TAFA2: variants seen among roughly 807,000 people sequenced by gnomAD.
TAFA2 encodes the protein chemokine-like protein TAFA-2.
TAFA2 carries 7 observed loss-of-function variants against 18.8 expected under a neutral mutation model. The observed-to-expected ratio is 0.37, with a 90% confidence interval of 0.21 to 0.70. TAFA2 has a LOEUF of 0.70. TAFA2 is among the 30% of genes least tolerant of loss of function. TAFA2 has a pLI of 0.53. For missense variants in TAFA2, 122 were observed against 158.1 expected (o/e 0.77, Z 1.23); for synonymous variants, 60 against 54.2 (o/e 1.11, Z -0.47).
chr12:62,225,947 G>C (rs1407879847), intron 1 of TAFA2, among the ~76,000 whole-genome samples: 1 of 152,164 alleles, frequency 6.6e-6, no homozygotes, highest in Admixed American at 6.5e-5. Context: ...TGTGCATTTT[G>C]AGGCAGTACT....
intron 1 of TAFA2, among the ~76,000 whole-genome samples, chr12:62,011,042 G>T (rs1424725887): frequency 1.4e-5 from 2 of 144,346 alleles, no homozygotes; most frequent in Non-Finnish European, 3.0e-5. Context: ...CCATCTGGGA[G>T]GTGGGGGGCG....
At chr12:61,957,785 T>G (rs901574576) in intron 1 of TAFA2, among the ~76,000 whole-genome samples, 1 of 152,122 alleles carries the variant, frequency 6.6e-6, no homozygotes, top group Non-Finnish European at 1.5e-5. Context: ...AGAGAAAGTC[T>G]GCTGGAAAGT....
chr12:61,934,171 C>G (rs1877670199), intron 1 of TAFA2, among the ~76,000 whole-genome samples: 1 of 152,144 alleles, frequency 6.6e-6, no homozygotes, highest in African/African-American at 2.4e-5. Flanking sequence ...AACTCACTAT[C>G]CTGAATCCTG....
At chr12:62,052,455 G>C (rs538678649) in intron 1 of TAFA2, among the ~76,000 whole-genome samples, 2 of 152,252 alleles carry the variant, frequency 1.3e-5, no homozygotes, top group African/African-American at 2.4e-5. Flanking sequence ...GCCTCCCAAA[G>C]TGCTGGAAAT....
chr12:62,174,759 T>A (rs2062500837), intron 1 of TAFA2, among the ~76,000 whole-genome samples: 2 of 152,224 alleles, frequency 1.3e-5, no homozygotes, highest in East Asian at 3.8e-4. Flanking sequence ...TACACGGCTC[T>A]AAATATTATC....
At chr12:62,215,690 C>T (rs1419887934) in intron 1 of TAFA2, among the ~76,000 whole-genome samples, 10 of 138,986 alleles carry the variant, frequency 7.2e-5, no homozygotes, top group Non-Finnish European at 1.5e-4. Context: ...GAACTTGTTT[C>T]TCTTGCTTAA....
intron 1 of TAFA2, among the ~76,000 whole-genome samples, chr12:62,042,393 A>T (rs1470723287): frequency 6.8e-6 from 1 of 147,890 alleles, no homozygotes; most frequent in Non-Finnish European, 1.5e-5. Context: ...TAAATTCTGC[A>T]TTGAAGTCTG....
chr12:62,106,513 T>A (rs748755191), intron 1 of TAFA2, among the ~76,000 whole-genome samples: 4 of 152,100 alleles, frequency 2.6e-5, no homozygotes, highest in Non-Finnish European at 4.4e-5. Flanking sequence ...AGGGAAGGGA[T>A]GCTTCGAATT....
chr12:61,999,356 A>C (rs1259823906), intron 1 of TAFA2, among the ~76,000 whole-genome samples: 1 of 152,226 alleles, frequency 6.6e-6, no homozygotes, highest in Non-Finnish European at 1.5e-5. Context: ...AATCCAACTA[A>C]GAAGATTTGT....
At chr12:62,035,721 CA>C (rs1881582663) in intron 1 of TAFA2, among the ~76,000 whole-genome samples, 1 of 128,302 alleles carries the variant, frequency 7.8e-6, no homozygotes, top group East Asian at 2.3e-4. Flanking sequence ...CGCTAGGGGT[CA>C]ATGATTCTTT....
chr12:61,922,399 C>T (rs183516820), intron 1 of TAFA2, among the ~76,000 whole-genome samples: 136 of 152,098 alleles, frequency 8.9e-4, no homozygotes, highest in African/African-American at 2.7e-3. Context: ...AACTGAGGTA[C>T]CCAGTTCATC....
chr12:62,052,187 TGCATGCGTGC>T (rs1882072665), intron 1 of TAFA2, among the ~76,000 whole-genome samples: 2 of 51,242 alleles, frequency 3.9e-5, no homozygotes, highest in African/African-American at 9.8e-5. Flanking sequence ...TGTGCATGTG[TGCATGCGTGC>T]GTGTGTGCAT....
intron 1 of TAFA2, among the ~76,000 whole-genome samples, chr12:62,164,436 T>G (rs577576548): frequency 6.6e-6 from 1 of 152,152 alleles, no homozygotes; most frequent in Non-Finnish European, 1.5e-5. Flanking sequence ...TAATCAATTA[T>G]CAGTTTTTAG....
At chr12:62,025,640 T>G (rs1479514251) in intron 1 of TAFA2, among the ~76,000 whole-genome samples, 3 of 152,126 alleles carry the variant, frequency 2.0e-5, no homozygotes, top group African/African-American at 7.2e-5. Flanking sequence ...GGATGGCTAT[T>G]GTTTTACAAT....
intron 1 of TAFA2, among the ~76,000 whole-genome samples, chr12:62,133,773 T>C (rs531174391): frequency 6.6e-5 from 10 of 152,246 alleles, no homozygotes; most frequent in African/African-American, 2.4e-4. Flanking sequence ...TGCCAGTAAA[T>C]ATTAGTTAGT....
intron 1 of TAFA2, among the ~76,000 whole-genome samples, chr12:62,071,823 T>A (rs1882637983): frequency 6.6e-6 from 1 of 152,078 alleles, no homozygotes; most frequent in African/African-American, 2.4e-5. Flanking sequence ...GATAGTGTCA[T>A]CCTGAGATGA....
At chr12:61,976,522 T>C (rs1879439833) in intron 1 of TAFA2, among the ~76,000 whole-genome samples, 1 of 151,910 alleles carries the variant, frequency 6.6e-6, no homozygotes, top group Non-Finnish European at 1.5e-5. Flanking sequence ...GCAATGTTTA[T>C]TATAATCCAA....
At chr12:62,142,860 T>C (rs1377916095) in intron 1 of TAFA2, among the ~76,000 whole-genome samples, 2 of 152,206 alleles carry the variant, frequency 1.3e-5, no homozygotes, top group African/African-American at 4.8e-5. Context: ...TGCTGGGCAA[T>C]GTTTTAACCA....
intron 1 of TAFA2, among the ~76,000 whole-genome samples, chr12:62,241,175 C>G (rs964501633): frequency 1.3e-5 from 2 of 152,186 alleles, no homozygotes; most frequent in African/African-American, 4.8e-5. Context: ...CTCAGACACT[C>G]CCTTTGCAGC....
Sources: allele counts gnomAD v4.1 joint callset (sites outside exome capture counted in the v4.1 genomes callset), GRCh38; gene constraint gnomAD v4.1.1; transcripts MANE v1.5; gene names NCBI Gene and HGNC (gene_info 2026-07-23, HGNC 2026-07-21).